MORC1: variants seen among roughly 807,000 people sequenced by gnomAD.
MORC1 encodes MORC family CW-type zinc finger protein 1.
A neutral mutation model predicts 134.9 loss-of-function variants in MORC1; 59 were observed. The observed-to-expected ratio is 0.44, with a 90% CI of 0.35 to 0.54. The LOEUF (loss-of-function observed/expected upper bound fraction) is 0.54, where lower values mean the gene tolerates loss of function less well. Ranked by LOEUF, MORC1 falls within the 20% of genes least tolerant of loss-of-function variation. The pLI is 0.00. For missense variants in MORC1, 947 were observed against 1,134.5 expected (o/e 0.83, Z 2.37); for synonymous variants, 395 against 391.7 (o/e 1.01, Z -0.10).
At chr3:108,967,436 C>T (rs1947254382) in intron 26 of MORC1, among the ~76,000 whole-genome samples, 1 of 152,126 alleles carries the variant, frequency 6.6e-6, no homozygotes, top group African/African-American at 2.4e-5. Flanking sequence ...ATAAGCTCCT[C>T]AAGCTGACTG....
At chr3:109,024,384 T>A (rs1949027328) in intron 17 of MORC1, among the ~76,000 whole-genome samples, 1 of 152,220 alleles carries the variant, frequency 6.6e-6, no homozygotes, top group Non-Finnish European at 1.5e-5. Flanking sequence ...TTAAATAAGA[T>A]ACCATGTGGA....
intron 24 of MORC1, among the ~76,000 whole-genome samples, chr3:108,974,117 T>G (rs1297126320): frequency 1.3e-5 from 2 of 152,094 alleles, no homozygotes; most frequent in Non-Finnish European, 2.9e-5. Flanking sequence ...TCCCTGGTAT[T>G]GAGCCTTTCA....
intron 8 of MORC1, among the ~76,000 whole-genome samples, chr3:109,086,626 T>C (rs1288552635): frequency 2.6e-5 from 4 of 152,060 alleles, no homozygotes; most frequent in Non-Finnish European, 5.9e-5. Context: ...AAATAAATAC[T>C]TGTCTAAATG....
chr3:109,075,204 T>A (rs1950395229), intron 8 of MORC1, among the ~76,000 whole-genome samples: 1 of 152,136 alleles, frequency 6.6e-6, no homozygotes, highest in African/African-American at 2.4e-5. Flanking sequence ...TAAAAGAATA[T>A]CCTTTTGGAA....
chr3:109,046,589 C>G (rs1949701772), intron 14 of MORC1, among the ~76,000 whole-genome samples: 1 of 152,174 alleles, frequency 6.6e-6, no homozygotes, highest in Non-Finnish European at 1.5e-5. Context: ...TCAAGATATA[C>G]ATGAAGCCTA....
chr3:109,111,469 T>C (rs1951168540), intron 2 of MORC1, among the ~76,000 whole-genome samples: 1 of 152,216 alleles, frequency 6.6e-6, no homozygotes, highest in Admixed American at 6.5e-5. Context: ...TTCTAGGTGA[T>C]GAGAGTACTG....
chr3:108,966,965 T>C (rs1230057374), intron 26 of MORC1, among the ~76,000 whole-genome samples: 3 of 152,214 alleles, frequency 2.0e-5, no homozygotes, highest in Non-Finnish European at 4.4e-5. Flanking sequence ...ATAGTAGTTA[T>C]GAAAACCACT....
chr3:109,032,644 A>ACC, intron 16 of MORC1, 76 bp downstream of exon 16: 1 of 1,002,728 alleles, frequency 1.0e-6, no homozygotes, highest in Non-Finnish European at 1.5e-6. Context: ...TTATAGATTG[A>ACC]CATTTTCAAG....
chr3:108,989,504 A>T (rs2107480419), intron 21 of MORC1, among the ~76,000 whole-genome samples: 1 of 152,222 alleles, frequency 6.6e-6, no homozygotes, highest in East Asian at 1.9e-4. Context: ...ACTTAAGAAG[A>T]TAAATAAATC....
intron 17 of MORC1, 142 bp from the exon 18 acceptor site, chr3:109,007,233 T>A: frequency 1.6e-6 from 1 of 607,220 alleles, no homozygotes. Flanking sequence ...AGGAGTGCAT[T>A]TAAGTTTAGA....
chr3:108,984,298 A>C (rs1947834502), intron 23 of MORC1, among the ~76,000 whole-genome samples: 1 of 152,160 alleles, frequency 6.6e-6, no homozygotes, highest in Non-Finnish European at 1.5e-5. Context: ...AAAGTGATAA[A>C]ATTCTCATGT....
intron 24 of MORC1, among the ~76,000 whole-genome samples, chr3:108,974,452 T>C (rs1202466228): frequency 3.9e-5 from 6 of 152,194 alleles, no homozygotes; most frequent in Admixed American, 2.6e-4. Context: ...GTACATCTTA[T>C]CAAACCTCTC....
intron 17 of MORC1, among the ~76,000 whole-genome samples, chr3:109,009,634 T>C (rs531734794): frequency 4.3e-4 from 66 of 152,244 alleles, no homozygotes; most frequent in Non-Finnish European, 5.6e-4. Flanking sequence ...CTGAAGCTGA[T>C]TTTTTTTAGA....
At chr3:108,985,499 A>G (rs975480936) in intron 22 of MORC1, among the ~76,000 whole-genome samples, 1 of 152,324 alleles carries the variant, frequency 6.6e-6, no homozygotes, top group South Asian at 2.1e-4. Context: ...AGAAGAGGAC[A>G]TCAACAAGCA....
At chr3:108,986,798 A>G (rs1947904998) in intron 22 of MORC1, 82 bp downstream of exon 22, 6 of 963,082 alleles carry the variant, frequency 6.2e-6, no homozygotes, top group South Asian at 1.8e-5. Flanking sequence ...TCTGATCTAT[A>G]TATCAGGCTG....
In MORC1 at chr3:109,057,693, G is replaced by A. The variant is rs34353294; in HGVS notation, c.1032-207C>T. Among the ~76,000 whole-genome samples, 44 of 151,946 alleles carry A rather than the reference G, an allele frequency of 2.9e-4. No individual in the cohort carries two copies. The East Asian group carries it at 8.3e-3, about 29-fold the overall frequency. On this transcript the variant is annotated intron_variant, in intron 12 of 27. Transcript: ENST00000232603. ...CAGTAACTATGCCAGTCAAACAAAG[G>A]ATTTACTGATTCAAAAACACATCTG...
chr3:108,999,143 G>A (rs565304919), intron 21 of MORC1, among the ~76,000 whole-genome samples: 95 of 152,282 alleles, frequency 6.2e-4, no homozygotes, highest in African/African-American at 2.1e-3. Context: ...TCTAGCCTCC[G>A]ATTAAATTTT....
intron 8 of MORC1, among the ~76,000 whole-genome samples, chr3:109,088,649 T>C (rs538837085): frequency 6.6e-6 from 1 of 152,268 alleles, no homozygotes; most frequent in South Asian, 2.1e-4. Context: ...GAAAGTACTA[T>C]GGCAATTCCT....
At chr3:108,997,275 G>GTAA (rs1366957804) in intron 21 of MORC1, among the ~76,000 whole-genome samples, 1 of 152,192 alleles carries the variant, frequency 6.6e-6, no homozygotes, top group Non-Finnish European at 1.5e-5. Context: ...GCTCATGCCT[G>GTAA]TAATCCCACC....
Sources: gnomAD v4.1 joint callset for allele counts (sites outside exome capture counted in the v4.1 genomes callset) on GRCh38, gnomAD v4.1.1 for gene constraint, MANE v1.5 for transcripts, NCBI Gene and HGNC (gene_info 2026-07-23, HGNC 2026-07-21) for gene names.